RBM33: variants seen among roughly 807,000 people sequenced by gnomAD.
The protein encoded by RBM33 is RNA binding motif protein 33.
A neutral mutation model predicts 132.6 loss-of-function variants in RBM33; 28 were observed. The ratio of observed to expected loss-of-function variants is 0.21; its 90% CI spans 0.16 to 0.29. The LOEUF (loss-of-function observed/expected upper bound fraction) is 0.29, where lower values mean the gene tolerates loss of function less well. Ranked by LOEUF, RBM33 falls within the 10% of genes least tolerant of loss-of-function variation. The probability of loss-of-function intolerance (pLI) is 1.00; values close to 1 mark genes in which losing one functional copy is unlikely to be tolerated. For missense variants in RBM33, 1,291 were observed against 1,518.5 expected, an observed-to-expected ratio of 0.85 and a Z score of 2.49; for synonymous variants, 634 against 593.0, an observed-to-expected ratio of 1.07 and a Z score of -1.01.
At chr7:155,722,456 A>G (rs552395126) in intron 9 of RBM33, among the ~76,000 whole-genome samples, 1 of 152,340 alleles carries the variant, frequency 6.6e-6, no homozygotes, top group African/African-American at 2.4e-5. Flanking sequence ...TACACTTTAA[A>G]TTCTGTTTTC....
chr7:155,697,419 T>A (rs1019853552), intron 5 of RBM33, among the ~76,000 whole-genome samples: 1 of 152,182 alleles, frequency 6.6e-6, no homozygotes, highest in Non-Finnish European at 1.5e-5. Flanking sequence ...TTGCACAGTT[T>A]GCTTAGTCTT....
At chr7:155,734,653 G>T (rs1265174318) in intron 9 of RBM33, among the ~76,000 whole-genome samples, 1 of 151,980 alleles carries the variant, frequency 6.6e-6, no homozygotes, top group Non-Finnish European at 1.5e-5. Context: ...GAATCTTACT[G>T]GTTCCTTTTG....
chr7:155,727,131 GTA>G (rs781160266), intron 9 of RBM33, among the ~76,000 whole-genome samples: 108 of 152,302 alleles, frequency 7.1e-4, no homozygotes, highest in Admixed American at 1.9e-3. Flanking sequence ...TTTTTAGTGT[GTA>G]TCAGCTCTGA....
intron 5 of RBM33, among the ~76,000 whole-genome samples, chr7:155,694,817 G>A (rs1470253543): frequency 6.6e-6 from 1 of 152,120 alleles, no homozygotes; most frequent in Non-Finnish European, 1.5e-5. Flanking sequence ...AGACATTTGG[G>A]TTGTTTCCAG....
intron 1 of RBM33, among the ~76,000 whole-genome samples, chr7:155,657,115 G>C (rs1203671956): frequency 6.6e-6 from 1 of 152,042 alleles, no homozygotes; most frequent in Non-Finnish European, 1.5e-5. Context: ...TCTGATTTTG[G>C]AATGATTTCA....
chr7:155,773,850 C>T (rs1802520159), intron 16 of RBM33, among the ~76,000 whole-genome samples: 2 of 152,208 alleles, frequency 1.3e-5, no homozygotes, highest in East Asian at 3.8e-4. Flanking sequence ...GTAAGTTTCG[C>T]TTTGCAAACA....
chr7:155,700,996 C>T lies in RBM33; in HGVS notation c.739+52C>T, dbSNP rs751625569. On this transcript the variant is annotated intron_variant, in intron 6 of 17. Transcript: ENST00000401878. Reference sequence around the variant, plus strand: ...TCCTTTACTCTCATTTCAACTTCCTCCATAGTATTGCTGTAATTAATCAAA... The same window carrying T: ...TCCTTTACTCTCATTTCAACTTCCTTCATAGTATTGCTGTAATTAATCAAA... The T allele has an allele frequency of 2.1e-6, 3 of 1,425,136 alleles. No individual in the cohort carries two copies. The Admixed American group carries it at 5.6e-5, about 27-fold the overall frequency. 88.3% of individuals were successfully genotyped at this position (1,425,136 alleles called of 1,614,324 possible).
rs1241688888 is a variant in RBM33 at position 155,673,776 on chromosome 7, A to G, written c.171+861A>G. 3.2e-3 allele frequency among the ~76,000 whole-genome samples: 458 copies of G among 144,138 alleles called. 19 individuals carry two copies. Among genetic ancestry groups the G allele is most frequent in the African/African-American group, 0.01 (389 of 37,326 alleles). The allele number at this position is 144,138 out of a possible 152,430, so 94.6% of individuals were successfully genotyped here. On this transcript the variant is annotated intron_variant, in intron 3 of 17. Coordinates refer to ENST00000401878, the MANE Select transcript of RBM33 (RefSeq NM_053043.3). ...TATACGCGCGCATGCGCGCACACAC[A>G]CACACACACACACACACACACACAC...
intron 5 of RBM33, among the ~76,000 whole-genome samples, chr7:155,686,196 A>G (rs1799473369): frequency 6.6e-6 from 1 of 152,246 alleles, no homozygotes; most frequent in Non-Finnish European, 1.5e-5. Context: ...ACAAAGCTAA[A>G]GAAGATATTA....
At chr7:155,684,319 A>G (rs1585434373) in intron 5 of RBM33, among the ~76,000 whole-genome samples, 1 of 152,270 alleles carries the variant, frequency 6.6e-6, no homozygotes, top group East Asian at 1.9e-4. Flanking sequence ...CTTGTTAGCA[A>G]TACCAGAAGC....
rs529194307 is a variant in RBM33, at chr7:155,774,952, T to C, written c.3465-41T>C. 2.5e-5 allele frequency: 40 copies of C among 1,596,156 alleles called. 1 individual carries two copies. The South Asian group carries it at 3.5e-4, about 14-fold the overall frequency. On this transcript the variant is annotated intron_variant, in intron 17 of 17. Transcript: ENST00000401878. The surrounding 1 kb of genome is among the most constrained non-coding windows in gnomAD (Gnocchi z 4.2). ...CCCACCTTGGTAGGTTGATTGCCGA[T>C]GTGCAGGGTTAGTGTCGATCGTTTC...
Position 155,665,252 on chromosome 7 carries a change from A to G in RBM33, c.121A>G (p.Ser41Gly), listed in dbSNP as rs768530471. 3 of 1,613,442 alleles carry G rather than the reference A, an allele frequency of 1.9e-6. No individual in the cohort carries two copies. The highest frequency in any genetic ancestry group is 2.5e-6 in the Non-Finnish European group (3 of 1,179,434). The change falls in exon 2 of 18, where the codon AGT becomes GGT. Residue 41 changes from serine (S) to glycine (G), a missense_variant and splice_region_variant. Physicochemically the swap from Ser to Gly is moderately conservative, Grantham distance 56. Around this residue, in one of 7 missense-constraint regions of RBM33, gnomAD observed 194 missense variants for 249.8 expected, o/e 0.78. Transcript: ENST00000401878. ...RRRAADEDWDSELEDDLLGED... is the reference protein window; with the variant it reads ...RRRAADEDWDGELEDDLLGED... Reference sequence around the variant, plus strand: ...AAGAGCTGCTGATGAGGACTGGGACAGGTACGTGCACCCTGTGCTTCACCT... The same window carrying G: ...AAGAGCTGCTGATGAGGACTGGGACGGGTACGTGCACCCTGTGCTTCACCT...
In RBM33 at chr7:155,644,784, G is replaced by A; in HGVS notation, c.-93G>A. The A allele has an allele frequency of 3.5e-6, 4 of 1,132,956 alleles. No individual in the cohort carries two copies. Among genetic ancestry groups the A allele is most frequent in the Non-Finnish European group, 4.7e-6 (4 of 843,674 alleles). 70.2% of individuals were successfully genotyped at this position (1,132,956 alleles called of 1,614,324 possible). A position where few individuals can be genotyped will look rare whatever the true frequency, so the allele number is the denominator to read the frequency against. On this transcript the variant is annotated 5_prime_UTR_variant, in exon 1 of 18. Transcript: ENST00000401878. ...CCTCCTGCAGCCCCCTCCCTTCTCT[G>A]TCCTCCGTCACCCGTACCCGGGCCC...
Position 155,738,400 on chromosome 7 carries a change from G to A in RBM33, c.1734G>A (p.Leu578=), listed in dbSNP as rs1005338275. Residue 578 remains leucine, a synonymous_variant, in exon 11 of 18, where the codon CTG becomes CTA. Transcript: ENST00000401878. ...TGCCCACACACACACAGCCCAACCTGCAGGTAATGCATCCTGAGTGAACCT... is the reference window on the plus strand; with the variant it reads ...TGCCCACACACACACAGCCCAACCTACAGGTAATGCATCCTGAGTGAACCT... ...PFLPTHTQPN[L]QGPLHPPLPP... is the part of the protein sequence containing the mutation. 24 of 1,609,658 alleles carry A rather than the reference G, an allele frequency of 1.5e-5. No homozygotes were observed. Among genetic ancestry groups the A allele is most frequent in the Non-Finnish European group, 1.9e-5 (22 of 1,176,792 alleles).
intron 7 of RBM33, 110 bp from the exon 8 acceptor site, chr7:155,711,093 C>G: frequency 7.3e-7 from 1 of 1,367,706 alleles, no homozygotes; most frequent in Non-Finnish European, 9.5e-7. Context: ...AAAATGCAAT[C>G]AGTGTAAATT....
At chr7:155,756,573 G>A (rs1300099018) in intron 14 of RBM33, among the ~76,000 whole-genome samples, 1 of 152,146 alleles carries the variant, frequency 6.6e-6, no homozygotes, top group Non-Finnish European at 1.5e-5. Context: ...TGTGAGTCTA[G>A]CGCGTTGCAG....
intron 5 of RBM33, among the ~76,000 whole-genome samples, chr7:155,683,041 C>G (rs992688493): frequency 6.6e-6 from 1 of 150,646 alleles, no homozygotes; most frequent in Admixed American, 6.6e-5. Context: ...TGGAAGTGTT[C>G]TGATGTTTTC....
At chr7:155,680,348 C>T (rs1183055014) in intron 4 of RBM33, among the ~76,000 whole-genome samples, 1 of 152,200 alleles carries the variant, frequency 6.6e-6, no homozygotes, top group Non-Finnish European at 1.5e-5. Context: ...GGGCTATATG[C>T]ATTGCCAGTC....
intron 8 of RBM33, 81 bp from the exon 9 acceptor site, chr7:155,718,304 A>T: frequency 1.9e-6 from 2 of 1,065,000 alleles, no homozygotes; most frequent in Non-Finnish European, 2.9e-6. Context: ...TATATATTTT[A>T]TATTAAACTT....
Sources: gnomAD v4.1 joint callset for allele counts (sites outside exome capture counted in the v4.1 genomes callset) on GRCh38, gnomAD v4.1.1 for gene constraint, gnomAD v4.1.1 regional missense constraint, Gnocchi (gnomAD v3.1) non-coding constraint, MANE v1.5 for transcripts, NCBI Gene and HGNC (gene_info 2026-07-23, HGNC 2026-07-21) for gene names.